The following DGKB variants were observed in gnomAD, a reference collection of about 807,000 sequenced individuals.
DGKB encodes diacylglycerol kinase beta.
DGKB carries 67 observed loss-of-function variants against 114.3 expected under a neutral mutation model. That is an observed-to-expected ratio of 0.59 (90% CI 0.48 to 0.72). DGKB has a LOEUF of 0.72. Ranked by LOEUF, DGKB falls within the 30% of genes least tolerant of loss-of-function variation. The pLI is 0.00. For missense variants in DGKB, 907 were observed against 975.2 expected, an observed-to-expected ratio of 0.93 and a Z score of 0.93; for synonymous variants, 398 against 323.1, an observed-to-expected ratio of 1.23 and a Z score of -2.49.
chr7:14,533,801 C>A (rs2128600035), intron 20 of DGKB, among the ~76,000 whole-genome samples: 1 of 151,926 alleles, frequency 6.6e-6, no homozygotes, highest in Non-Finnish European at 1.5e-5. Context: ...AATTGTCAAC[C>A]AAAAGTACTC....
At chr7:14,913,016 C>T (rs1346055336) in intron 1 of DGKB, among the ~76,000 whole-genome samples, 1 of 152,102 alleles carries the variant, frequency 6.6e-6, no homozygotes, top group African/African-American at 2.4e-5. Context: ...AACTTTCTTT[C>T]TCATAGAAGA....
intron 21 of DGKB, among the ~76,000 whole-genome samples, chr7:14,398,958 A>C (rs1043126074): frequency 6.6e-6 from 1 of 151,944 alleles, no homozygotes; most frequent in African/African-American, 2.4e-5. Context: ...ATGTGCCTGT[A>C]AAATTTGCAG....
intron 1 of DGKB, among the ~76,000 whole-genome samples, chr7:14,855,017 T>TA (rs1467683964): frequency 6.6e-6 from 1 of 152,064 alleles, no homozygotes; most frequent in Non-Finnish European, 1.5e-5. Flanking sequence ...ACAGAAACTC[T>TA]AAAAAAACTG....
At position 14,252,765 on chromosome 7, in the gene DGKB, C is replaced by G. The variant is rs184212021; in HGVS notation, c.2123-74614G>C. Among the ~76,000 whole-genome samples, 10 of 152,284 alleles carry G rather than the reference C, an allele frequency of 6.6e-5. No individual in the cohort carries two copies. The East Asian group carries it at 1.9e-3, about 30-fold the overall frequency. On this transcript the variant is annotated intron_variant, in intron 23 of 25. Transcript: ENST00000402815. ...GGGTACACAGGAGCAAGTCTGGGGCCAGAGTCCACTGGCATTGGCATGGTT... is the reference window on the plus strand; with the variant it reads ...GGGTACACAGGAGCAAGTCTGGGGCGAGAGTCCACTGGCATTGGCATGGTT...
chr7:14,473,670 G>T (rs577929839), intron 21 of DGKB, among the ~76,000 whole-genome samples: 1 of 152,164 alleles, frequency 6.6e-6, no homozygotes, highest in Non-Finnish European at 1.5e-5. Context: ...AGCCAGGATG[G>T]GGGACTATAC....
chr7:14,833,617 C>T (rs1333538936), intron 2 of DGKB, among the ~76,000 whole-genome samples: 1 of 152,068 alleles, frequency 6.6e-6, no homozygotes, highest in Non-Finnish European at 1.5e-5. Flanking sequence ...CATCTAAAGA[C>T]CCACTTTTTG....
chr7:14,648,543 G>T (rs1476173966), intron 13 of DGKB, among the ~76,000 whole-genome samples: 1 of 152,034 alleles, frequency 6.6e-6, no homozygotes, highest in Non-Finnish European at 1.5e-5. Context: ...CAAAGATGGG[G>T]AAAAAACAGA....
rs192347808 is a variant in DGKB at position 14,418,711 on chromosome 7, T to C, written c.1835+59450A>G. ...AAACATCTAGGTTTAATCCTGGATA[T>C]GTTGCTTCATAGCTAGGTTAATTTC... On this transcript the variant is annotated intron_variant, in intron 21 of 25. Transcript: ENST00000402815. 3.9e-5 allele frequency among the ~76,000 whole-genome samples: 6 copies of C among 151,988 alleles called. No individual in the cohort carries two copies. The South Asian group carries it at 8.3e-4, about 21-fold the overall frequency.
At chr7:14,261,052 T>C (rs1045340680) in intron 23 of DGKB, among the ~76,000 whole-genome samples, 1 of 152,130 alleles carries the variant, frequency 6.6e-6, no homozygotes, top group Non-Finnish European at 1.5e-5. Flanking sequence ...TCCAGAATGG[T>C]AGTATTTACA....
intron 13 of DGKB, among the ~76,000 whole-genome samples, chr7:14,657,176 AC>A (rs1234544906): frequency 6.6e-6 from 1 of 151,470 alleles, no homozygotes; most frequent in African/African-American, 2.4e-5. Flanking sequence ...AATATTTTAA[AC>A]CAAAATGGAT....
chr7:14,312,557 G>C (rs1454550858), intron 23 of DGKB, among the ~76,000 whole-genome samples: 1 of 152,110 alleles, frequency 6.6e-6, no homozygotes, highest in African/African-American at 2.4e-5. Context: ...CAATTTTTTA[G>C]TATTGTTTGT....
chr7:14,909,416 T>C (rs974513303), intron 1 of DGKB, among the ~76,000 whole-genome samples: 1 of 152,166 alleles, frequency 6.6e-6, no homozygotes, highest in African/African-American at 2.4e-5. Flanking sequence ...TGAATATCAA[T>C]ATTATGCACG....
At chr7:14,297,015 G>A (rs545675093) in intron 23 of DGKB, among the ~76,000 whole-genome samples, 32 of 152,128 alleles carry the variant, frequency 2.1e-4, no homozygotes, top group South Asian at 6.2e-4. Context: ...GGAAGAAGTC[G>A]AATCCCTGAA....
At chr7:14,750,220 T>C (rs774908196) in intron 4 of DGKB, 2 of 500,514 alleles carry the variant, frequency 4.0e-6, no homozygotes, top group Admixed American at 4.1e-5. Flanking sequence ...TAAAGCATAA[T>C]TTTCTAAACA....
intron 23 of DGKB, among the ~76,000 whole-genome samples, chr7:14,280,453 AG>A (rs200970126): frequency 0.037 from 5,661 of 151,862 alleles, 332 homozygotes; most frequent in African/African-American, 0.13. Context: ...GTTATCCAGG[AG>A]AATTTCCCCA....
chr7:14,932,304 C>T (rs540949363), intron 1 of DGKB, among the ~76,000 whole-genome samples: 1 of 152,254 alleles, frequency 6.6e-6, no homozygotes, highest in South Asian at 2.1e-4. Context: ...CAAATCTTCC[C>T]TTTGCTTTTC....
intron 1 of DGKB, among the ~76,000 whole-genome samples, chr7:14,849,620 C>T (rs541564876): frequency 6.6e-6 from 1 of 152,254 alleles, no homozygotes; most frequent in East Asian, 1.9e-4. Context: ...CAGCACAAAA[C>T]GGACTGAGAC....
intron 21 of DGKB, among the ~76,000 whole-genome samples, chr7:14,369,941 T>A (rs943706902): frequency 4.6e-5 from 7 of 152,238 alleles, no homozygotes; most frequent in Non-Finnish European, 8.8e-5. Flanking sequence ...GCAGAAGCTG[T>A]TTCATTTCAT....
chr7:14,910,319 T>A (rs1375582436), intron 1 of DGKB, among the ~76,000 whole-genome samples: 4 of 144,022 alleles, frequency 2.8e-5, no homozygotes, highest in Non-Finnish European at 4.6e-5. Flanking sequence ...AGAAAGAACC[T>A]TATATATTAG....
Sources: allele counts gnomAD v4.1 joint callset (sites outside exome capture counted in the v4.1 genomes callset), GRCh38; gene constraint gnomAD v4.1.1; transcripts MANE v1.5; gene names NCBI Gene and HGNC (gene_info 2026-07-23, HGNC 2026-07-21).